The following PATL2 variants were observed in gnomAD, a reference collection of about 807,000 sequenced individuals.
The protein encoded by PATL2 is protein PAT1 homolog 2.
Under a neutral mutation model 77.0 loss-of-function variants are expected in PATL2, and 73 were observed. The ratio of observed to expected loss-of-function variants is 0.95; its 90% CI spans 0.78 to 1.15. The LOEUF is 1.15. PATL2 is among the 50% of genes most tolerant of loss of function. The pLI is 0.00. For synonymous variants in PATL2, 265 were observed against 257.1 expected, an observed-to-expected ratio of 1.03 and a Z score of -0.29; for missense variants, 618 against 655.4, an observed-to-expected ratio of 0.94 and a Z score of 0.62.
chr15:44,669,917 C>G, intron 10 of PATL2, 43 bp from the exon 11 acceptor site: 2 of 1,550,810 alleles, frequency 1.3e-6, no homozygotes, highest in Non-Finnish European at 1.7e-6. Flanking sequence ...CTCCCACACT[C>G]TGTCCACCCA....
intron 3 of PATL2, among the ~76,000 whole-genome samples, chr15:44,687,924 AT>A (rs2086297926): frequency 6.6e-6 from 1 of 152,340 alleles, no homozygotes; most frequent in South Asian, 2.1e-4. Context: ...GTGGAAAATC[AT>A]TCCATGCTCA....
intron 3 of PATL2, among the ~76,000 whole-genome samples, chr15:44,700,760 C>A (rs4349123): frequency 1.3e-5 from 2 of 152,110 alleles, no homozygotes; most frequent in Non-Finnish European, 2.9e-5. Flanking sequence ...CTCTTTATTT[C>A]TTTCTCTTGT....
intron 3 of PATL2, among the ~76,000 whole-genome samples, chr15:44,693,367 C>T (rs1335639237): frequency 1.3e-5 from 2 of 152,150 alleles, no homozygotes; most frequent in Non-Finnish European, 2.9e-5. Flanking sequence ...TTGGCTTTTC[C>T]ACCTTCTAGA....
chr15:44,705,003 G>A (rs544359520), intron 3 of PATL2, among the ~76,000 whole-genome samples: 22 of 152,198 alleles, frequency 1.4e-4, no homozygotes, highest in Non-Finnish European at 7.4e-5. Context: ...GACCTTGGGA[G>A]TTTGTTTATT....
chr15:44,702,330 A>C lies in PATL2; in HGVS notation c.-76+7766T>G, dbSNP rs193085364. 4.3e-4 allele frequency among the ~76,000 whole-genome samples: 65 copies of C among 151,952 alleles called. 2 individuals are homozygous for C. Among genetic ancestry groups the C allele is most frequent in the African/African-American group, 1.6e-3 (65 of 41,404 alleles). ...TTTGAATTTCTTTGATATTGGTTGT[A>C]ATGTTTCCTTTTTCATCTCTGATTT... On this transcript the variant is annotated intron_variant, in intron 3 of 17. Coordinates refer to ENST00000682850, the MANE Select transcript of PATL2 (RefSeq NM_001387263.1).
Position 44,665,757 on chromosome 15 carries a change from CCTT to C in PATL2, c.*193_*195del, listed in dbSNP as rs2085335286. On this transcript the variant is annotated 3_prime_UTR_variant, in exon 18 of 18. Coordinates refer to ENST00000682850, the MANE Select transcript of PATL2 (RefSeq NM_001387263.1). ...TCATTCTATTATCTCTTTAATTATA[CCTT>C]ATTATGCCATGTCTTATTTTTAGGC... 7.0e-7 allele frequency: 1 copy of C among 1,424,708 alleles called. No individual in the cohort carries two copies. The highest frequency in any genetic ancestry group is 1.4e-5 in the South Asian group (1 of 71,640). The allele number at this position is 1,424,708 out of a possible 1,614,324, so 88.3% of individuals were successfully genotyped here. A position where few individuals can be genotyped will look rare whatever the true frequency, so the allele number is the denominator to read the frequency against.
chr15:44,710,493 G>A (rs1486711567), intron 2 of PATL2, among the ~76,000 whole-genome samples: 1 of 152,186 alleles, frequency 6.6e-6, no homozygotes, highest in East Asian at 1.9e-4. Context: ...GGCAGATGCA[G>A]TCCAAACTCT....
intron 3 of PATL2, among the ~76,000 whole-genome samples, chr15:44,692,645 A>G (rs2086417490): frequency 6.6e-6 from 1 of 152,258 alleles, no homozygotes; most frequent in Admixed American, 6.5e-5. Flanking sequence ...TGTGGTGAAC[A>G]CTGAGATCAG....
intron 3 of PATL2, among the ~76,000 whole-genome samples, chr15:44,678,943 A>G (rs1022779616): frequency 3.3e-5 from 5 of 152,156 alleles, no homozygotes; most frequent in African/African-American, 1.2e-4. Flanking sequence ...TAAGTTATAT[A>G]TCTTCTAGGA....
In PATL2 at chr15:44,711,320, C is replaced by G. The variant is rs2086857015; in HGVS notation, c.-554G>C. 6.3e-6 allele frequency: 4 copies of G among 630,378 alleles called. No individual in the cohort carries two copies. Among genetic ancestry groups the G allele is most frequent in the Admixed American group, 4.9e-5 (2 of 40,950 alleles). The allele number at this position is 630,378 out of a possible 1,614,324, so 39.0% of individuals were successfully genotyped here. A position where few individuals can be genotyped will look rare whatever the true frequency, so the allele number is the denominator to read the frequency against. ...AGATCGGAGGGCGCCGATGTACAGACAGCAAACTCACCCAGTCTAGTGCAT... is the reference window on the plus strand; with the variant it reads ...AGATCGGAGGGCGCCGATGTACAGAGAGCAAACTCACCCAGTCTAGTGCAT... On this transcript the variant is annotated 5_prime_UTR_variant, in exon 1 of 18. Transcript: ENST00000682850.
chr15:44,668,996 C>T lies in PATL2; in HGVS notation c.1208G>A (p.Arg403Lys), dbSNP rs1185746053. The part of the protein sequence containing the change: ...ITHHLPLLVR[R>K]DVADQALQML... ...CCACAGTACCTGATCAGCCACATCC[C>T]TCCGGACCAGGAGGGGCAGATGGTG... The change falls in exon 14 of 18, where the codon AGG becomes AAG. Residue 403 changes from arginine to lysine, a missense_variant. Coordinates refer to ENST00000682850, the MANE Select transcript of PATL2 (RefSeq NM_001387263.1). The T allele has an allele frequency of 6.5e-7, 1 of 1,547,740 alleles. No homozygotes were observed. The highest frequency in any genetic ancestry group is 1.2e-5 in the South Asian group (1 of 83,516).
At chr15:44,668,921 A>G in intron 14 of PATL2, 59 bp downstream of exon 14, 1 of 1,445,092 alleles carries the variant, frequency 6.9e-7, no homozygotes, top group Middle Eastern at 1.8e-4. Flanking sequence ...ACTGGAGGGG[A>G]GGAATGACCC....
intron 3 of PATL2, among the ~76,000 whole-genome samples, chr15:44,690,804 T>C (rs1235502560): frequency 6.6e-6 from 1 of 151,808 alleles, no homozygotes. Context: ...TGTTATCATA[T>C]ATTATCCAAT....
intron 3 of PATL2, among the ~76,000 whole-genome samples, chr15:44,707,326 G>C (rs2086760774): frequency 6.6e-6 from 1 of 152,060 alleles, no homozygotes; most frequent in Admixed American, 6.6e-5. Flanking sequence ...CACCACAGCT[G>C]TAATGTGCTG....
At chr15:44,670,146 T>C in intron 9 of PATL2, 59 bp from the exon 10 acceptor site, 1 of 1,532,388 alleles carries the variant, frequency 6.5e-7, no homozygotes, top group East Asian at 2.4e-5. Flanking sequence ...ATCTTTTGAA[T>C]TTAGAATTAA....
At chr15:44,685,498 C>A (rs1386074830) in intron 3 of PATL2, among the ~76,000 whole-genome samples, 2 of 151,986 alleles carry the variant, frequency 1.3e-5, no homozygotes, top group African/African-American at 2.4e-5. Flanking sequence ...ATCCCAGCTA[C>A]TTGGGAGGCT....
intron 15 of PATL2, 166 bp from the exon 16 acceptor site, chr15:44,667,369 T>A: frequency 1.7e-6 from 1 of 592,244 alleles, no homozygotes; most frequent in Non-Finnish European, 3.0e-6. Flanking sequence ...CAAAGAACTC[T>A]CTAACCCTTT....
chr15:44,688,807 A>G (rs2086321023), intron 3 of PATL2, among the ~76,000 whole-genome samples: 1 of 152,250 alleles, frequency 6.6e-6, no homozygotes, highest in Non-Finnish European at 1.5e-5. Flanking sequence ...GTGGGCAAAG[A>G]CTTCATGACT....
chr15:44,670,649 C>T (rs969660887), intron 9 of PATL2, among the ~76,000 whole-genome samples: 1 of 152,212 alleles, frequency 6.6e-6, no homozygotes, highest in Non-Finnish European at 1.5e-5. Context: ...AGACCAGATA[C>T]CACCACCAAG....
Sources: gnomAD v4.1 joint callset for allele counts (sites outside exome capture counted in the v4.1 genomes callset) on GRCh38, gnomAD v4.1.1 for gene constraint, MANE v1.5 for transcripts, NCBI Gene and HGNC (gene_info 2026-07-23, HGNC 2026-07-21) for gene names.